CEACAM8: variants seen among roughly 807,000 people sequenced by gnomAD.
CEACAM8 encodes the protein CEA cell adhesion molecule 8, also known as cell adhesion molecule CEACAM8.
Under a neutral mutation model 33.4 loss-of-function variants are expected in CEACAM8, and 31 were observed. The observed-to-expected ratio is 0.93, with a 90% confidence interval of 0.70 to 1.25. CEACAM8 has a LOEUF of 1.25. Among genes scored for constraint, CEACAM8 ranks in the 50% most tolerant of loss-of-function variants. The pLI is 0.00. For missense variants in CEACAM8, 388 were observed against 434.6 expected, an observed-to-expected ratio of 0.89 and a Z score of 0.95; for synonymous variants, 138 against 164.5, an observed-to-expected ratio of 0.84 and a Z score of 1.23.
At position 42,580,418 on chromosome 19, in the gene CEACAM8, A is replaced by G. The variant is rs1056794686; in HGVS notation, c.*976T>C. On this transcript the variant is annotated 3_prime_UTR_variant, in exon 6 of 6. Coordinates refer to ENST00000244336, the MANE Select transcript of CEACAM8 (RefSeq NM_001816.4). ...TGTCAGCCATTGGGTGGACTAAAGGATCTCATACGTAAAAATTTGGGGTTG... is the reference window on the plus strand; with the variant it reads ...TGTCAGCCATTGGGTGGACTAAAGGGTCTCATACGTAAAAATTTGGGGTTG... 1.3e-5 allele frequency: 2 copies of G among 152,210 alleles called. No homozygotes were observed. The highest frequency in any genetic ancestry group is 2.4e-5 in the African/African-American group (1 of 41,468). 9.4% of individuals were successfully genotyped at this position (152,210 alleles called of 1,614,324 possible).
At chr19:42,589,827 C>T in intron 2 of CEACAM8, 92 bp from the exon 3 acceptor site, 2 of 1,594,330 alleles carry the variant, frequency 1.3e-6, no homozygotes, top group African/African-American at 2.7e-5. Flanking sequence ...TCCCACCTCT[C>T]AGCCTACTCG....
Position 42,593,715 on chromosome 19 carries a change from T to C in CEACAM8, c.250A>G (p.Ile84Val). ...CCTGGGGTAATCTGTTGATTTGATA[T>C]TACATATCCTATAATTCGACGGTTG... ...DANRRIIGYV[I>V]SNQQITPGPA... The change falls in exon 2 of 6, where the codon ATA becomes GTA. Residue 84 changes from isoleucine (I) to valine (V), a missense_variant. Transcript: ENST00000244336. 6.2e-7 allele frequency: 1 copy of C among 1,614,136 alleles called. No individual in the cohort carries two copies. The highest frequency in any genetic ancestry group is 1.1e-5 in the South Asian group (1 of 91,076).
At chr19:42,593,974 G>A in intron 1 of CEACAM8, 74 bp from the exon 2 acceptor site, 1 of 1,482,264 alleles carries the variant, frequency 6.7e-7, no homozygotes. Flanking sequence ...CATCAGCTTT[G>A]GAGTTTGTGT....
chr19:42,594,632 C>G, intron 1 of CEACAM8, 133 bp downstream of exon 1: 1 of 683,764 alleles, frequency 1.5e-6, no homozygotes, highest in South Asian at 1.5e-5. Context: ...CTTCCCCTCT[C>G]TTGTGTCCTC....
intron 5 of CEACAM8, among the ~76,000 whole-genome samples, chr19:42,582,326 C>T (rs1352440300): frequency 1.3e-5 from 2 of 152,040 alleles, no homozygotes; most frequent in Non-Finnish European, 2.9e-5. Flanking sequence ...GTGGCATTCA[C>T]TTTTTTCTAT....
chr19:42,581,606 G>A (rs2042257210), intron 5 of CEACAM8, among the ~76,000 whole-genome samples: 1 of 151,966 alleles, frequency 6.6e-6, no homozygotes, highest in South Asian at 2.1e-4. Context: ...AACATATCAA[G>A]TAAGGCTGGG....
At chr19:42,594,052 C>A (rs758972272) in intron 1 of CEACAM8, 152 bp from the exon 2 acceptor site, 39 of 812,902 alleles carry the variant, frequency 4.8e-5, no homozygotes, top group Non-Finnish European at 7.1e-5. Context: ...CCCATTTCTT[C>A]AACACCTCTG....
chr19:42,592,758 G>C (rs2042468482), intron 2 of CEACAM8, among the ~76,000 whole-genome samples: 1 of 152,144 alleles, frequency 6.6e-6, no homozygotes, highest in Non-Finnish European at 1.5e-5. Context: ...AAACAGCACG[G>C]GTTATTATTT....
chr19:42,593,856 T>A lies in CEACAM8; in HGVS notation c.109A>T (p.Thr37Ser), dbSNP rs2042494131. Residue 37 changes from threonine to serine, a missense_variant, in exon 2 of 6, where the codon ACT (threonine) becomes TCT (serine). By Grantham distance (58) the Thr-to-Ser change is moderately conservative (BLOSUM62 1). Coordinates refer to ENST00000244336, the MANE Select transcript of CEACAM8 (RefSeq NM_001816.4). Reference sequence around the variant, plus strand: ...GCATTGGATGGCACAGCTTCAATAGTGAGCTGAGCAGTGGTGGGCGGGTTC... The same window carrying A: ...GCATTGGATGGCACAGCTTCAATAGAGAGCTGAGCAGTGGTGGGCGGGTTC... The part of the protein sequence containing the change: ...FWNPPTTAQL[T>S]IEAVPSNAAE... 3.7e-6 allele frequency: 6 copies of A among 1,611,632 alleles called. No individual in the cohort carries two copies. Among genetic ancestry groups the A allele is most frequent in the Non-Finnish European group, 5.1e-6 (6 of 1,178,422 alleles).
intron 4 of CEACAM8, among the ~76,000 whole-genome samples, chr19:42,587,732 TG>T (rs1164520475): frequency 6.6e-6 from 1 of 151,910 alleles, no homozygotes; most frequent in African/African-American, 2.4e-5. Context: ...TGGCTGGGAG[TG>T]GTGGCTCATG....
chr19:42,592,763 T>C (rs542719149), intron 2 of CEACAM8, among the ~76,000 whole-genome samples: 1 of 152,292 alleles, frequency 6.6e-6, no homozygotes, highest in South Asian at 2.1e-4. Context: ...GCACGGGTTA[T>C]TATTTGCCTC....
intron 2 of CEACAM8, among the ~76,000 whole-genome samples, chr19:42,593,091 G>C (rs990699133): frequency 1.3e-5 from 2 of 152,218 alleles, no homozygotes; most frequent in East Asian, 3.9e-4. Context: ...CTACAACCCA[G>C]TGCTGGCACA....
rs777439214 is a variant in CEACAM8, at chr19:42,589,001, G to A, written c.741C>T (p.Thr247=). 45 of 1,613,980 alleles carry A rather than the reference G, an allele frequency of 2.8e-5. No individual in the cohort carries two copies. The highest frequency in any genetic ancestry group is 2.2e-4 in the East Asian group (10 of 44,890). ...PDAPTISPSD[T]YYHAGVNLNL... ...TGAGATTTACCCCTGCATGGTAATA[G>A]GTGTCTGAAGGGGAAATGGTGGGGG... Residue 247 remains threonine, a synonymous_variant, in exon 4 of 6, where the codon ACC becomes ACT. Coordinates refer to ENST00000244336, the MANE Select transcript of CEACAM8 (RefSeq NM_001816.4).
At chr19:42,590,835 T>C (rs2042425002) in intron 2 of CEACAM8, among the ~76,000 whole-genome samples, 1 of 152,016 alleles carries the variant, frequency 6.6e-6, no homozygotes, top group African/African-American at 2.4e-5. Context: ...GATGAGGAGG[T>C]TCTAGAGATC....
intron 4 of CEACAM8, among the ~76,000 whole-genome samples, chr19:42,586,908 T>G (rs1336161686): frequency 6.6e-6 from 1 of 151,780 alleles, no homozygotes; most frequent in East Asian, 1.9e-4. Flanking sequence ...AAAACCCAAC[T>G]AAAAAAGGAC....
Position 42,589,039 on chromosome 19 carries a change from CT to C in CEACAM8, c.704-2del, listed in dbSNP as rs1166166266. 1 of 1,610,872 alleles carries C rather than the reference CT, an allele frequency of 6.2e-7. No homozygotes were observed. The highest frequency in any genetic ancestry group is 2.2e-5 in the East Asian group (1 of 44,822). Reference sequence around the variant, plus strand: ...GAAATGGTGGGGGCATCTGGGCCATCTAGAGCAAAAGAATAAAGTCACAGGT... The same window carrying C: ...GAAATGGTGGGGGCATCTGGGCCATCAGAGCAAAAGAATAAAGTCACAGGT... On this transcript the variant is annotated splice_acceptor_variant, in intron 3 of 5. Transcript: ENST00000244336. LOFTEE classifies it high-confidence loss of function.
rs2042495360 is a variant in CEACAM8 at position 42,593,898 on chromosome 19, A to C, written c.67T>G (p.Ser23Ala). Residue 23 changes from serine to alanine, a missense_variant and splice_region_variant, in exon 2 of 6, where the codon TCA becomes GCA. Ser to Ala is a moderately conservative substitution (Grantham distance 99). Transcript: ENST00000244336. Reference sequence around the variant, plus strand: ...GGCGGGTTCCAGAAGGTGAAAAGTGAGGCTAGGAGGGGGAGAGAGCATCAA... The same window carrying C: ...GGCGGGTTCCAGAAGGTGAAAAGTGCGGCTAGGAGGGGGAGAGAGCATCAA... ...IPWQGLLLTASLFTFWNPPTT... is the reference protein window; with the variant it reads ...IPWQGLLLTAALFTFWNPPTT... 1 of 1,578,480 alleles carries C rather than the reference A, an allele frequency of 6.3e-7. No homozygotes were observed. Among genetic ancestry groups the C allele is most frequent in the Non-Finnish European group, 8.6e-7 (1 of 1,159,938 alleles).
At position 42,593,850 on chromosome 19, in the gene CEACAM8, C is replaced by T; in HGVS notation, c.115G>A (p.Glu39Lys). ...TCTGCAGCATTGGATGGCACAGCTT[C>T]AATAGTGAGCTGAGCAGTGGTGGGC... ...NPPTTAQLTI[E>K]AVPSNAAEGK... is the part of the protein sequence containing the mutation. Residue 39 changes from glutamate (E) to lysine (K), a missense_variant, in exon 2 of 6, where the codon GAA becomes AAA. By Grantham distance (56) the Glu-to-Lys change is moderately conservative (BLOSUM62 1). Transcript: ENST00000244336. 1 of 1,612,710 alleles carries T rather than the reference C, an allele frequency of 6.2e-7. No individual in the cohort carries two copies. Among genetic ancestry groups the T allele is most frequent in the Non-Finnish European group, 8.5e-7 (1 of 1,179,226 alleles).
rs998745797 is a variant in CEACAM8 at position 42,588,879 on chromosome 19, T to C, written c.863A>G (p.Asn288Ser). 21 of 1,614,092 alleles carry C rather than the reference T, an allele frequency of 1.3e-5. No individual in the cohort carries two copies. Among genetic ancestry groups the C allele is most frequent in the South Asian group, 2.2e-5 (2 of 91,066 alleles). Residue 288 changes from asparagine (N) to serine (S), a missense_variant, in exon 4 of 6, where the codon AAC becomes AGC. By Grantham distance (46) the Asn-to-Ser change is conservative. Coordinates refer to ENST00000244336, the MANE Select transcript of CEACAM8 (RefSeq NM_001816.4). ...GGATCCGCTGTTCTTTGTAGTGATGTTGGGGATAAAGAGCTTTTGTGTGTA... is the reference window on the plus strand; with the variant it reads ...GGATCCGCTGTTCTTTGTAGTGATGCTGGGGATAAAGAGCTTTTGTGTGTA... ...QQYTQKLFIP[N>S]ITTKNSGSYA...
Sources: allele counts gnomAD v4.1 joint callset (sites outside exome capture counted in the v4.1 genomes callset), GRCh38; gene constraint gnomAD v4.1.1; transcripts MANE v1.5; gene names NCBI Gene and HGNC (gene_info 2026-07-23, HGNC 2026-07-21).